SVOPL: variants seen among roughly 807,000 people sequenced by gnomAD.
SVOPL encodes SVOP like.
Under a neutral mutation model 61.0 loss-of-function variants are expected in SVOPL, and 60 were observed. The observed-to-expected ratio is 0.98, with a 90% CI of 0.80 to 1.22. SVOPL has a LOEUF of 1.22. Ranked by LOEUF, SVOPL falls within the 50% of genes most tolerant of loss-of-function variation. The probability of loss-of-function intolerance (pLI) is 0.00; values close to 1 mark genes in which losing one functional copy is unlikely to be tolerated. For missense variants in SVOPL, 662 were observed against 643.9 expected (o/e 1.03, Z -0.30); for synonymous variants, 279 against 250.0 (o/e 1.12, Z -1.09).
At chr7:138,599,218 A>G (rs1798412605) in intron 14 of SVOPL, among the ~76,000 whole-genome samples, 1 of 152,118 alleles carries the variant, frequency 6.6e-6, no homozygotes, top group Non-Finnish European at 1.5e-5. Flanking sequence ...TTTTAAATAA[A>G]CTGGATTCTT....
chr7:138,689,686 G>C (rs141937780), intron 1 of SVOPL, among the ~76,000 whole-genome samples: 3 of 151,562 alleles, frequency 2.0e-5, no homozygotes, highest in Admixed American at 6.6e-5. Context: ...GTGAAACCCC[G>C]TCTCTACTAA....
chr7:138,684,825 C>A (rs1012135459), intron 1 of SVOPL, among the ~76,000 whole-genome samples: 1 of 152,132 alleles, frequency 6.6e-6, no homozygotes, highest in Non-Finnish European at 1.5e-5. Context: ...ATGTTCACTA[C>A]AGCATTATTC....
chr7:138,681,052 A>G (rs1168862912), intron 1 of SVOPL, among the ~76,000 whole-genome samples: 1 of 151,846 alleles, frequency 6.6e-6, no homozygotes, highest in Non-Finnish European at 1.5e-5. Flanking sequence ...TAATATTGTT[A>G]GGAACCCAGG....
intron 14 of SVOPL, among the ~76,000 whole-genome samples, chr7:138,614,766 G>A (rs1659821): frequency 0.57 from 86,431 of 152,002 alleles, 26,767 homozygotes; most frequent in East Asian, 0.99. Flanking sequence ...ACAGCTATGC[G>A]ACTGACGACA....
intron 1 of SVOPL, among the ~76,000 whole-genome samples, chr7:138,697,780 GAGA>G (rs1381763221): frequency 1.3e-5 from 2 of 150,672 alleles, no homozygotes; most frequent in East Asian, 1.9e-4. Context: ...GAAGGAGGAG[GAGA>G]AGGAGAAGAA....
chr7:138,679,187 C>T (rs1288356232), intron 1 of SVOPL, 108 bp from the exon 2 acceptor site: 7 of 710,722 alleles, frequency 9.8e-6, no homozygotes, highest in African/African-American at 3.7e-5. Context: ...TCACAAAAAT[C>T]GAATGAGGTA....
chr7:138,637,676 A>T (rs1584814120), intron 9 of SVOPL, among the ~76,000 whole-genome samples: 1 of 151,954 alleles, frequency 6.6e-6, no homozygotes, highest in African/African-American at 2.4e-5. Context: ...AATCGGCCAG[A>T]CGTAGTGGCT....
intron 13 of SVOPL, among the ~76,000 whole-genome samples, chr7:138,622,146 CTA>C (rs1563096384): frequency 1.3e-5 from 1 of 76,168 alleles, no homozygotes; most frequent in African/African-American, 4.1e-5. Context: ...ATGTATCTAT[CTA>C]TGTATCTATC....
At chr7:138,647,590 C>T (rs1194655835) in intron 8 of SVOPL, among the ~76,000 whole-genome samples, 1 of 151,990 alleles carries the variant, frequency 6.6e-6, no homozygotes, top group Non-Finnish European at 1.5e-5. Context: ...GTGGCTCACA[C>T]CTGTAATCCC....
intron 1 of SVOPL, among the ~76,000 whole-genome samples, chr7:138,681,859 A>G (rs1436230208): frequency 1.3e-5 from 2 of 152,256 alleles, no homozygotes; most frequent in East Asian, 3.9e-4. Context: ...AAAGGCTCCC[A>G]CTGGCCAAAG....
chr7:138,664,185 G>GCCCTCC (rs1339633589), intron 4 of SVOPL: 1 of 860,856 alleles, frequency 1.2e-6, no homozygotes, highest in Non-Finnish European at 1.4e-6. Flanking sequence ...ACCCTACCCT[G>GCCCTCC]CCCTCCCCCT....
rs372971164 is a variant in SVOPL, at chr7:138,663,082, G to C, written c.337C>G (p.Arg113Gly). ...LFGLLADRYG[R>G]WKILLISFLW... ...TGTGAGGCCCCACCTACCTTCCAGC[G>C]GCCATATCTGTCAGCCAGGAGGCCA... Residue 113 changes from arginine (R) to glycine (G), a missense_variant, in exon 5 of 16, where the codon CGC (arginine) becomes GGC (glycine). Physicochemically the swap from Arg to Gly is moderately radical, Grantham distance 125 (BLOSUM62 -2). Coordinates refer to ENST00000674285, the MANE Select transcript of SVOPL (RefSeq NM_001139456.2). The C allele has an allele frequency of 1.9e-6, 3 of 1,614,100 alleles. No homozygotes were observed. The highest frequency in any genetic ancestry group is 1.1e-5 in the South Asian group (1 of 91,064).
chr7:138,640,805 G>C (rs1179449647), intron 9 of SVOPL, among the ~76,000 whole-genome samples: 1 of 151,926 alleles, frequency 6.6e-6, no homozygotes, highest in South Asian at 2.1e-4. Flanking sequence ...CTAACTATTG[G>C]GTACTATGCT....
chr7:138,679,128 G>A (rs1802644637), intron 1 of SVOPL, 49 bp from the exon 2 acceptor site: 1 of 1,326,458 alleles, frequency 7.5e-7, no homozygotes, highest in African/African-American at 1.5e-5. Context: ...ATGGTTATTG[G>A]ATAGTTAGTA....
intron 1 of SVOPL, among the ~76,000 whole-genome samples, chr7:138,683,278 T>C (rs1318750576): frequency 6.6e-6 from 1 of 152,168 alleles, no homozygotes; most frequent in Non-Finnish European, 1.5e-5. Flanking sequence ...TGGTGATCTA[T>C]TGAAAATTAT....
At chr7:138,605,640 C>CAAAAAAAAAAAAA (rs1159063438) in intron 14 of SVOPL, among the ~76,000 whole-genome samples, 1 of 84,288 alleles carries the variant, frequency 1.2e-5, no homozygotes, top group Non-Finnish European at 2.3e-5. Flanking sequence ...CTAACCTGGG[C>CAAAAAAAAAAAAA]AAAAAAAAAA....
intron 14 of SVOPL, among the ~76,000 whole-genome samples, chr7:138,616,857 G>A (rs1439305708): frequency 6.6e-6 from 1 of 152,192 alleles, no homozygotes; most frequent in Non-Finnish European, 1.5e-5. Flanking sequence ...TGCAAACATA[G>A]CTCATCACAG....
At chr7:138,685,915 G>A (rs1314800623) in intron 1 of SVOPL, among the ~76,000 whole-genome samples, 1 of 151,904 alleles carries the variant, frequency 6.6e-6, no homozygotes, top group Non-Finnish European at 1.5e-5. Flanking sequence ...AAGGCTAGAG[G>A]AAACGTTTGG....
intron 3 of SVOPL, among the ~76,000 whole-genome samples, chr7:138,675,863 A>G (rs201078795): frequency 1.3e-5 from 2 of 149,938 alleles, no homozygotes; most frequent in South Asian, 2.1e-4. Flanking sequence ...TCCACCCCCA[A>G]AGTCTTGCTC....
Sources: allele counts gnomAD v4.1 joint callset (sites outside exome capture counted in the v4.1 genomes callset), GRCh38; gene constraint gnomAD v4.1.1; transcripts MANE v1.5; gene names NCBI Gene and HGNC (gene_info 2026-07-23, HGNC 2026-07-21).